Variants in DLG2 observed in about 807,000 individuals in gnomAD.
DLG2 encodes disks large homolog 2.
In DLG2, 45 loss-of-function variants were observed where a neutral mutation model predicts 132.5. The ratio of observed to expected loss-of-function variants is 0.34; its 90% CI spans 0.27 to 0.44. The LOEUF (loss-of-function observed/expected upper bound fraction) is 0.44, where lower values mean the gene tolerates loss of function less well. Ranked by LOEUF, DLG2 falls within the 20% of genes least tolerant of loss-of-function variation. DLG2 has a pLI of 1.00. For synonymous variants in DLG2, 424 were observed against 419.6 expected, an observed-to-expected ratio of 1.01 and a Z score of -0.13; for missense variants, 1,045 against 1,196.9, an observed-to-expected ratio of 0.87 and a Z score of 1.87.
intron 11 of DLG2, among the ~76,000 whole-genome samples, chr11:84,010,848 G>A (rs763242053): frequency 2.0e-4 from 31 of 151,954 alleles, no homozygotes; most frequent in Non-Finnish European, 3.8e-4. Context: ...CTGAAGTCTC[G>A]AGTCGATCAA....
intron 6 of DLG2, among the ~76,000 whole-genome samples, chr11:84,584,834 G>T (rs1180556760): frequency 6.7e-6 from 1 of 149,854 alleles, no homozygotes; most frequent in Non-Finnish European, 1.5e-5. Flanking sequence ...GACTACAGGC[G>T]CCCGCCACTA....
rs575260352 is a variant in DLG2, at chr11:83,512,515, T to C, written c.2193+20193A>G. Among the ~76,000 whole-genome samples, 139 of 152,282 alleles carry C rather than the reference T, an allele frequency of 9.1e-4. 2 individuals are homozygous for C. The highest frequency in any genetic ancestry group is 3.3e-3 in the African/African-American group (138 of 41,574). ...TTTATACTGTATTTTTATTTAATTA[T>C]TGCATCATTTTATTTATTTATTTAT... On this transcript the variant is annotated intron_variant, in intron 21 of 27. Transcript: ENST00000376104.
intron 3 of DLG2, among the ~76,000 whole-genome samples, chr11:85,529,119 T>C (rs1335908489): frequency 6.6e-6 from 1 of 152,224 alleles, no homozygotes; most frequent in Admixed American, 6.5e-5. Flanking sequence ...CAAATATATA[T>C]GCACACACAA....
intron 6 of DLG2, among the ~76,000 whole-genome samples, chr11:84,712,882 T>G (rs1488234589): frequency 3.3e-5 from 5 of 152,124 alleles, no homozygotes; most frequent in African/African-American, 1.2e-4. Context: ...AAGAATAACA[T>G]TGAGTTCGAA....
chr11:84,623,037 T>G (rs1261953490), intron 6 of DLG2, among the ~76,000 whole-genome samples: 1 of 152,186 alleles, frequency 6.6e-6, no homozygotes, highest in Non-Finnish European at 1.5e-5. Flanking sequence ...CTCTTAACTT[T>G]GCATTCAGTC....
chr11:84,924,804 A>G (rs907418502), intron 6 of DLG2, among the ~76,000 whole-genome samples: 1 of 152,134 alleles, frequency 6.6e-6, no homozygotes, highest in Non-Finnish European at 1.5e-5. Flanking sequence ...GAGCCTAGGT[A>G]ATTTACAAAT....
chr11:84,449,452 A>G (rs1419074792), intron 7 of DLG2, among the ~76,000 whole-genome samples: 4 of 151,766 alleles, frequency 2.6e-5, no homozygotes, highest in Non-Finnish European at 4.4e-5. Flanking sequence ...AAGTTTTAAA[A>G]AAGGTGTAAT....
chr11:84,792,133 T>C (rs1217261751), intron 6 of DLG2, among the ~76,000 whole-genome samples: 4 of 152,210 alleles, frequency 2.6e-5, no homozygotes, highest in Non-Finnish European at 5.9e-5. Context: ...TTGAGGGTTT[T>C]TATCATGAAG....
At chr11:84,699,370 T>A (rs118005371) in intron 6 of DLG2, among the ~76,000 whole-genome samples, 9,748 of 151,592 alleles carry the variant, frequency 0.064, 418 homozygotes, top group Non-Finnish European at 0.099. Context: ...ATATAATAAC[T>A]GTTGGCTTTA....
intron 4 of DLG2, among the ~76,000 whole-genome samples, chr11:85,265,539 A>G (rs2077164152): frequency 6.6e-6 from 1 of 152,166 alleles, no homozygotes; most frequent in Admixed American, 6.5e-5. Flanking sequence ...GAGAAACTCT[A>G]GGCAGACAGG....
chr11:84,258,016 G>A (rs772903226), intron 7 of DLG2, among the ~76,000 whole-genome samples: 1 of 152,056 alleles, frequency 6.6e-6, no homozygotes, highest in Non-Finnish European at 1.5e-5. Flanking sequence ...TGATCAACAA[G>A]TTACAAGCCA....
chr11:84,022,183 C>G (rs2095414934), intron 11 of DLG2, among the ~76,000 whole-genome samples: 2 of 152,122 alleles, frequency 1.3e-5, no homozygotes, highest in Admixed American at 1.3e-4. Context: ...AGGAATTTGT[C>G]AGAAACAGCA....
chr11:84,724,738 C>T (rs1294334160), intron 6 of DLG2, among the ~76,000 whole-genome samples: 1 of 152,078 alleles, frequency 6.6e-6, no homozygotes, highest in Non-Finnish European at 1.5e-5. Context: ...CTAAATGAAC[C>T]AACTAACAAA....
intron 8 of DLG2, among the ~76,000 whole-genome samples, chr11:84,186,731 G>T (rs2154287106): frequency 1.3e-5 from 2 of 152,002 alleles, no homozygotes; most frequent in East Asian, 1.9e-4. Flanking sequence ...GAATGAATGA[G>T]AATGGATTTT....
intron 7 of DLG2, among the ~76,000 whole-genome samples, chr11:84,308,012 T>C (rs2098244308): frequency 6.6e-6 from 1 of 151,618 alleles, no homozygotes; most frequent in Admixed American, 6.6e-5. Flanking sequence ...ACCCAAAGAG[T>C]GAGCAGCAGC....
chr11:84,607,164 T>C (rs943820232), intron 6 of DLG2, among the ~76,000 whole-genome samples: 1 of 152,116 alleles, frequency 6.6e-6, no homozygotes, highest in Non-Finnish European at 1.5e-5. Context: ...GTCACTGGAA[T>C]GTCTTACTGT....
chr11:85,475,271 T>C (rs934757272), intron 3 of DLG2, among the ~76,000 whole-genome samples: 1 of 151,736 alleles, frequency 6.6e-6, no homozygotes, highest in Non-Finnish European at 1.5e-5. Context: ...ACAAAAATCT[T>C]CCCAGATAGT....
At chr11:84,799,135 C>T (rs1241335919) in intron 6 of DLG2, among the ~76,000 whole-genome samples, 3 of 152,204 alleles carry the variant, frequency 2.0e-5, no homozygotes, top group Non-Finnish European at 4.4e-5. Context: ...CAAGGCTTGC[C>T]TAAGAATTAC....
At chr11:85,202,917 A>G (rs2081573020) in intron 4 of DLG2, among the ~76,000 whole-genome samples, 1 of 151,760 alleles carries the variant, frequency 6.6e-6, no homozygotes, top group African/African-American at 2.4e-5. Context: ...AGGGAAATAT[A>G]TAACAATAAA....
Sources: allele counts gnomAD v4.1 joint callset (sites outside exome capture counted in the v4.1 genomes callset), GRCh38; gene constraint gnomAD v4.1.1; transcripts MANE v1.5; gene names NCBI Gene and HGNC (gene_info 2026-07-23, HGNC 2026-07-21).